ZFAND3: variants seen among roughly 807,000 people sequenced by gnomAD.
ZFAND3 encodes the protein AN1-type zinc finger protein 3.
A neutral mutation model predicts 29.6 loss-of-function variants in ZFAND3; 10 were observed. The observed-to-expected ratio is 0.34, with a 90% CI of 0.21 to 0.57. ZFAND3 has a LOEUF of 0.57. ZFAND3 is among the 20% of genes least tolerant of loss of function. The probability of loss-of-function intolerance (pLI) is 0.86; values close to 1 mark genes in which losing one functional copy is unlikely to be tolerated. For synonymous variants in ZFAND3, 128 were observed against 112.6 expected, an observed-to-expected ratio of 1.14 and a Z score of -0.87; for missense variants, 230 against 304.5, an observed-to-expected ratio of 0.76 and a Z score of 1.82.
chr6:38,056,484 A>G (rs762119300), intron 2 of ZFAND3, among the ~76,000 whole-genome samples: 10 of 152,212 alleles, frequency 6.6e-5, no homozygotes, highest in Non-Finnish European at 1.2e-4. Flanking sequence ...TCAGCATTGT[A>G]CATCTGAAAG....
At chr6:38,052,127 T>A (rs1420332990) in intron 2 of ZFAND3, among the ~76,000 whole-genome samples, 1 of 152,196 alleles carries the variant, frequency 6.6e-6, no homozygotes, top group African/African-American at 2.4e-5. Context: ...TCATATATTC[T>A]CTTGTTGCCT....
chr6:38,086,425 C>T (rs977253762), intron 4 of ZFAND3, among the ~76,000 whole-genome samples: 3 of 152,136 alleles, frequency 2.0e-5, no homozygotes, highest in Non-Finnish European at 4.4e-5. Context: ...CTGCCAAGTC[C>T]TAGGTTGCTT....
intron 2 of ZFAND3, among the ~76,000 whole-genome samples, chr6:38,052,071 A>T (rs572037420): frequency 2.9e-4 from 44 of 152,368 alleles, no homozygotes; most frequent in Admixed American, 5.2e-4. Flanking sequence ...GATAAACTAG[A>T]TTATAAAGTA....
rs116602006 is a variant in ZFAND3 at position 38,063,506 on chromosome 6, A to G, written c.295+1731A>G. ...TTGACAAACCCTGATACATGTTTGC[A>G]TACACCCATGTTGGTCCTTATGTAT... On this transcript the variant is annotated intron_variant, in intron 3 of 5. Coordinates refer to ENST00000287218, the MANE Select transcript of ZFAND3 (RefSeq NM_021943.3). Among the ~76,000 whole-genome samples, 429 of 152,342 alleles carry G rather than the reference A, an allele frequency of 2.8e-3. 3 individuals are homozygous for G. Among genetic ancestry groups the G allele is most frequent in the Middle Eastern group, 6.8e-3 (2 of 294 alleles).
intron 2 of ZFAND3, among the ~76,000 whole-genome samples, chr6:38,019,983 G>A (rs1763319165): frequency 6.6e-6 from 1 of 152,080 alleles, no homozygotes; most frequent in South Asian, 2.1e-4. Context: ...GTCTTCCAAA[G>A]TGCTGGGATT....
At chr6:38,003,625 A>C (rs1183588088) in intron 2 of ZFAND3, 3 of 276,426 alleles carry the variant, frequency 1.1e-5, no homozygotes, top group Non-Finnish European at 2.1e-5. Context: ...CAGCCTCCCA[A>C]GTAGCTGGGA....
chr6:38,083,053 G>T (rs112814452), intron 4 of ZFAND3, among the ~76,000 whole-genome samples: 22 of 152,242 alleles, frequency 1.4e-4, no homozygotes, highest in African/African-American at 5.3e-4. Flanking sequence ...TATTTTAAGC[G>T]ATATTTGCCT....
chr6:37,958,099 T>C (rs1470517332), intron 2 of ZFAND3, among the ~76,000 whole-genome samples: 9 of 152,236 alleles, frequency 5.9e-5, no homozygotes, highest in Admixed American at 2.6e-4. Flanking sequence ...TATTTGTCTT[T>C]ATTCTTTAGT....
chr6:37,962,810 C>T (rs1253231418), intron 2 of ZFAND3, among the ~76,000 whole-genome samples: 1 of 152,196 alleles, frequency 6.6e-6, no homozygotes, highest in Non-Finnish European at 1.5e-5. Context: ...TTCTTTTGCT[C>T]TTCACAATAA....
chr6:37,868,655 T>A (rs921720870), intron 1 of ZFAND3, among the ~76,000 whole-genome samples: 1 of 152,354 alleles, frequency 6.6e-6, no homozygotes, highest in East Asian at 1.9e-4. Context: ...AGATCTCTCC[T>A]GCAGTATTAT....
In ZFAND3 at chr6:38,136,022, A is replaced by T. The variant is rs140158001; in HGVS notation, c.530-16213A>T. 4.8e-3 allele frequency among the ~76,000 whole-genome samples: 726 copies of T among 152,278 alleles called. 19 individuals carry two copies. Among genetic ancestry groups the T allele is most frequent in the Admixed American group, 0.037 (566 of 15,300 alleles). On this transcript the variant is annotated intron_variant, in intron 5 of 5. Coordinates refer to ENST00000287218, the MANE Select transcript of ZFAND3 (RefSeq NM_021943.3). ...TGGAGAGAAAAGAGACACAGTAGAG[A>T]AGGACTAGAAATGTCTGGAAATGGA...
At chr6:37,921,425 G>T (rs1175045120) in intron 1 of ZFAND3, among the ~76,000 whole-genome samples, 1 of 150,294 alleles carries the variant, frequency 6.7e-6, no homozygotes, top group African/African-American at 2.4e-5. Flanking sequence ...TTTCCTTCCA[G>T]TTGGGTTAAA....
intron 2 of ZFAND3, among the ~76,000 whole-genome samples, chr6:38,025,911 AG>A (rs1479323174): frequency 1.3e-5 from 2 of 152,162 alleles, no homozygotes; most frequent in African/African-American, 4.8e-5. Context: ...TCCTTGCTAA[AG>A]GGTACAGGGT....
chr6:38,143,180 A>T (rs543688580), intron 5 of ZFAND3: 2 of 152,426 alleles, frequency 1.3e-5, no homozygotes, highest in Non-Finnish European at 2.9e-5. Context: ...CGAAGCCGAC[A>T]TTCTCCACAG....
At chr6:37,829,110 A>G (rs1763812805) in intron 1 of ZFAND3, among the ~76,000 whole-genome samples, 2 of 152,148 alleles carry the variant, frequency 1.3e-5, no homozygotes, top group Non-Finnish European at 2.9e-5. Context: ...TCCTTTTAAT[A>G]TAACTTAAAG....
At chr6:38,144,179 TA>T (rs1562015619) in intron 5 of ZFAND3, among the ~76,000 whole-genome samples, 1 of 16,860 alleles carries the variant, frequency 5.9e-5, no homozygotes, top group East Asian at 7.1e-4. Context: ...GTGATATATA[TA>T]TATAATATAT....
intron 2 of ZFAND3, among the ~76,000 whole-genome samples, chr6:38,012,934 A>G (rs1305485359): frequency 2.6e-5 from 4 of 152,188 alleles, no homozygotes; most frequent in Non-Finnish European, 5.9e-5. Flanking sequence ...AGTAATCTAG[A>G]GGAATAACTT....
chr6:37,954,059 C>G (rs1762044862), intron 2 of ZFAND3, among the ~76,000 whole-genome samples: 1 of 152,046 alleles, frequency 6.6e-6, no homozygotes, highest in South Asian at 2.1e-4. Flanking sequence ...TGTTTTGTCA[C>G]TTGAATTGTT....
At chr6:38,143,242 AAAC>A (rs1398671840) in intron 5 of ZFAND3, 1 of 152,400 alleles carries the variant, frequency 6.6e-6, no homozygotes, top group African/African-American at 2.4e-5. Flanking sequence ...CTGTCTGGAG[AAAC>A]AATAATAAAG....
Sources: gnomAD v4.1 joint callset for allele counts (sites outside exome capture counted in the v4.1 genomes callset) on GRCh38, gnomAD v4.1.1 for gene constraint, MANE v1.5 for transcripts, NCBI Gene and HGNC (gene_info 2026-07-23, HGNC 2026-07-21) for gene names.